SMG7: variants seen among roughly 807,000 people sequenced by gnomAD.
SMG7 encodes the protein SMG7 nonsense mediated mRNA decay factor.
In SMG7, 34 loss-of-function variants were observed where a neutral mutation model predicts 148.2. That is an observed-to-expected ratio of 0.23 (90% confidence interval 0.17 to 0.31). The LOEUF (loss-of-function observed/expected upper bound fraction) is 0.31, where lower values mean the gene tolerates loss of function less well. Ranked by LOEUF, SMG7 falls within the 10% of genes least tolerant of loss-of-function variation. The probability of loss-of-function intolerance (pLI) is 1.00; values close to 1 mark genes in which losing one functional copy is unlikely to be tolerated. For missense variants in SMG7, 1,114 were observed against 1,408.4 expected, an observed-to-expected ratio of 0.79 and a Z score of 3.35; for synonymous variants, 492 against 515.1, an observed-to-expected ratio of 0.96 and a Z score of 0.61.
chr1:183,482,339 CAA>C (rs1654360955), intron 1 of SMG7, among the ~76,000 whole-genome samples: 1 of 151,410 alleles, frequency 6.6e-6, no homozygotes, highest in South Asian at 2.1e-4. Context: ...TAGGGAGACA[CAA>C]GAGAGAAAGA....
At position 183,527,768 on chromosome 1, in the gene SMG7, A is replaced by G; in HGVS notation, c.485-188A>G. Reference sequence around the variant, plus strand: ...AATTGGTTACATGCTGAATGTCCCAAATAAGGAAGGCTGATGGACACTTCA... The same window carrying G: ...AATTGGTTACATGCTGAATGTCCCAGATAAGGAAGGCTGATGGACACTTCA... On this transcript the variant is annotated intron_variant, in intron 5 of 22. Transcript: ENST00000688051. This position sits in a 1 kb window ranked among gnomAD's most constrained non-coding sequence, Gnocchi z 4.0. 1.7e-6 allele frequency: 1 copy of G among 596,814 alleles called. No homozygotes were observed. Among genetic ancestry groups the G allele is most frequent in the Non-Finnish European group, 3.2e-6 (1 of 311,092 alleles). 37.0% of individuals were successfully genotyped at this position (596,814 alleles called of 1,614,324 possible).
At chr1:183,494,568 G>A (rs1177364433) in intron 1 of SMG7, among the ~76,000 whole-genome samples, 1 of 148,764 alleles carries the variant, frequency 6.7e-6, no homozygotes, top group Non-Finnish European at 1.5e-5. Flanking sequence ...TTGATCTCTT[G>A]GCATCAAATT....
At chr1:183,520,969 G>A (rs941527407) in intron 4 of SMG7, among the ~76,000 whole-genome samples, 1 of 151,884 alleles carries the variant, frequency 6.6e-6, no homozygotes, top group African/African-American at 2.4e-5. Context: ...CATTCCACAG[G>A]CAGTGATTGA....
chr1:183,515,029 C>T (rs74129806), intron 2 of SMG7, among the ~76,000 whole-genome samples: 323 of 152,302 alleles, frequency 2.1e-3, no homozygotes, highest in African/African-American at 7.4e-3. Context: ...TTAAGTTCAC[C>T]TACTGAGGGA....
At chr1:183,486,265 AC>A (rs1251628861) in intron 1 of SMG7, among the ~76,000 whole-genome samples, 1 of 152,272 alleles carries the variant, frequency 6.6e-6, no homozygotes, top group Non-Finnish European at 1.5e-5. Context: ...ATTTTGAATT[AC>A]GTGAATTTCT....
At chr1:183,508,175 C>G (rs1265395672) in intron 1 of SMG7, 1 of 947,356 alleles carries the variant, frequency 1.1e-6, no homozygotes, top group Non-Finnish European at 1.3e-6. Flanking sequence ...AACCATAGAA[C>G]AATTGAGGTA....
intron 10 of SMG7, among the ~76,000 whole-genome samples, chr1:183,536,070 A>G (rs752375458): frequency 7.9e-5 from 12 of 152,162 alleles, no homozygotes; most frequent in Non-Finnish European, 1.6e-4. Flanking sequence ...GTGATTATTT[A>G]CGTCCAGTTT....
rs187184843 is a variant in SMG7 at position 183,489,739 on chromosome 1, A to G, written c.29+17090A>G. ...CATTAGGGCCAGCTTCTTAGGGAAC[A>G]AGTACCAGATAGTAATAAAGATCAA... On this transcript the variant is annotated intron_variant, in intron 1 of 22. Transcript: ENST00000688051. Among the ~76,000 whole-genome samples the G allele has an allele frequency of 1.5e-3, 224 of 152,304 alleles. 1 individual carries two copies. The highest frequency in any genetic ancestry group is 2.7e-3 in the Non-Finnish European group (181 of 68,024).
At chr1:183,523,298 C>G (rs1216902348) in intron 4 of SMG7, among the ~76,000 whole-genome samples, 1 of 152,126 alleles carries the variant, frequency 6.6e-6, no homozygotes, top group African/African-American at 2.4e-5. Context: ...AGAAACTGTT[C>G]TAGTACTGCT....
Position 183,542,497 on chromosome 1 carries a change from GT to G in SMG7, c.1838del (p.Val613GlyfsTer3). The G allele has an allele frequency of 6.2e-7, 1 of 1,611,618 alleles. No individual in the cohort carries two copies. Among genetic ancestry groups the G allele is most frequent in the Non-Finnish European group, 8.5e-7 (1 of 1,178,938 alleles). ...GGAAACAGGAAAGCAGAATGTGGCAGTGCAGGTAAGCTGTATTTGAACTATA... is the reference window on the plus strand; with the variant it reads ...GGAAACAGGAAAGCAGAATGTGGCAGGCAGGTAAGCTGTATTTGAACTATA... ...LQETGKQNVA[V>X]QVKSQTELRK... On this transcript the variant is annotated frameshift_variant, in exon 14 of 23. Coordinates refer to ENST00000688051, the MANE Select transcript of SMG7 (RefSeq NM_001375584.1). LOFTEE classifies it high-confidence loss of function.
chr1:183,543,312 A>G lies in SMG7; in HGVS notation c.1842+810A>G, dbSNP rs185697920. On this transcript the variant is annotated intron_variant, in intron 14 of 22. Coordinates refer to ENST00000688051, the MANE Select transcript of SMG7 (RefSeq NM_001375584.1). ...TATGTGTTTGCATGAGAAACTTTAC[A>G]TTGTTGAAGGCTGCTTACAAATAAA... 1.1e-3 allele frequency among the ~76,000 whole-genome samples: 160 copies of G among 152,310 alleles called. 5 individuals carry two copies. Among genetic ancestry groups the G allele is most frequent in the East Asian group, 1.9e-4 (1 of 5,188 alleles).
chr1:183,549,577 G>A (rs1194741835), intron 19 of SMG7, among the ~76,000 whole-genome samples, 187 bp from the exon 20 acceptor site: 5 of 152,118 alleles, frequency 3.3e-5, no homozygotes, highest in Non-Finnish European at 2.9e-5. Context: ...GCAAATTTAA[G>A]GGTGAGAGAA....
At chr1:183,543,787 T>G (rs1020959016) in intron 14 of SMG7, among the ~76,000 whole-genome samples, 9 of 152,128 alleles carry the variant, frequency 5.9e-5, no homozygotes, top group Admixed American at 5.9e-4. Flanking sequence ...TCTGGCTCCA[T>G]CTATAGGATC....
chr1:183,501,755 TA>T (rs1468418608), intron 1 of SMG7, among the ~76,000 whole-genome samples: 1 of 152,228 alleles, frequency 6.6e-6, no homozygotes, highest in Admixed American at 6.5e-5. Flanking sequence ...ATCTATGATA[TA>T]AAAATGACCA....
chr1:183,502,277 T>C, intron 1 of SMG7: 2 of 1,532,956 alleles, frequency 1.3e-6, no homozygotes, highest in Non-Finnish European at 1.7e-6. Context: ...TTCTACCTTA[T>C]GAGAAATTGG....
intron 4 of SMG7, 22 bp from the exon 5 acceptor site, chr1:183,526,567 CTACTAAA>C: frequency 6.7e-7 from 1 of 1,501,224 alleles, no homozygotes; most frequent in South Asian, 1.2e-5. Flanking sequence ...TTGTGACTTA[CTACTAAA>C]TTTTGTTTGT....
intron 1 of SMG7, 30 bp downstream of exon 1, chr1:183,472,679 G>C (rs1210390924): frequency 3.4e-6 from 5 of 1,459,768 alleles, no homozygotes; most frequent in East Asian, 2.7e-5. Flanking sequence ...TGGTACGTAG[G>C]GGGAGCGGGC....
intron 12 of SMG7, 26 bp from the exon 13 acceptor site, chr1:183,540,958 T>C (rs1335339784): frequency 5.6e-6 from 9 of 1,609,130 alleles, no homozygotes; most frequent in Non-Finnish European, 7.6e-6. Context: ...TTTAATATTC[T>C]CATAACTTGC....
rs1401070114 is a variant in SMG7 at position 183,472,638 on chromosome 1, G to A, written c.18G>A (p.Ala6=). The A allele has an allele frequency of 2.7e-6, 4 of 1,470,120 alleles. No individual in the cohort carries two copies. The South Asian group carries it at 4.0e-5, about 15-fold the overall frequency. The allele number at this position is 1,470,120 out of a possible 1,614,324, so 91.1% of individuals were successfully genotyped here. Residue 6 remains alanine, a synonymous_variant, in exon 1 of 23, where the codon GCG becomes GCA. Coordinates refer to ENST00000688051, the MANE Select transcript of SMG7 (RefSeq NM_001375584.1). ...GGCGGAGGATGAGCCTGCAGAGCGC[G>A]CAGTACCTCCGGTGAGTGCCGAGGC... The part of the protein sequence containing the change: MSLQS[A]QYLRQAEVLK...
Sources: allele counts gnomAD v4.1 joint callset (sites outside exome capture counted in the v4.1 genomes callset), GRCh38; gene constraint gnomAD v4.1.1; non-coding constraint Gnocchi (gnomAD v3.1); transcripts MANE v1.5; gene names NCBI Gene and HGNC (gene_info 2026-07-23, HGNC 2026-07-21).